VEPH1: variants seen among roughly 807,000 people sequenced by gnomAD.
VEPH1 encodes the protein ventricular zone-expressed PH domain-containing protein homolog 1.
In VEPH1, 80 loss-of-function variants were observed where a neutral mutation model predicts 85.2. That is an observed-to-expected ratio of 0.94 (90% CI 0.78 to 1.13). The LOEUF is 1.13. Among genes scored for constraint, VEPH1 ranks in the 50% most tolerant of loss-of-function variants. The probability of loss-of-function intolerance (pLI) is 0.00; values close to 1 mark genes in which losing one functional copy is unlikely to be tolerated. For missense variants in VEPH1, 955 were observed against 980.5 expected (o/e 0.97, Z 0.35); for synonymous variants, 297 against 348.0 (o/e 0.85, Z 1.63).
intron 13 of VEPH1, among the ~76,000 whole-genome samples, chr3:157,263,426 A>G (rs766791908): frequency 3.0e-4 from 46 of 152,272 alleles, no homozygotes; most frequent in Non-Finnish European, 5.0e-4. Context: ...GTTCAGAAAA[A>G]CATTCTCATA....
In VEPH1 at chr3:157,271,829, C is replaced by A. The variant is rs770629028; in HGVS notation, c.2129-6167G>T. 4.6e-5 allele frequency among the ~76,000 whole-genome samples: 7 copies of A among 151,802 alleles called. No individual in the cohort carries two copies. The South Asian group carries it at 8.4e-4, about 18-fold the overall frequency. ...TCAAATTCAACAAAGTTCAGATATA[C>A]GAGGGAACTTCAAAAGTTCATGAAA... On this transcript the variant is annotated intron_variant, in intron 12 of 13. Coordinates refer to ENST00000362010, the MANE Select transcript of VEPH1 (RefSeq NM_001167912.2).
chr3:157,404,468 G>A (rs1731009560), intron 6 of VEPH1, among the ~76,000 whole-genome samples: 1 of 152,062 alleles, frequency 6.6e-6, no homozygotes, highest in South Asian at 2.1e-4. Flanking sequence ...CTTGGATTGG[G>A]GTTTCCAGAA....
intron 6 of VEPH1, among the ~76,000 whole-genome samples, chr3:157,399,973 A>G (rs921449892): frequency 1.3e-5 from 2 of 152,156 alleles, no homozygotes; most frequent in Non-Finnish European, 2.9e-5. Flanking sequence ...ATTTTTCTGT[A>G]TATCAGCTTG....
chr3:157,401,975 T>C (rs369866477), intron 6 of VEPH1, among the ~76,000 whole-genome samples: 7 of 152,294 alleles, frequency 4.6e-5, no homozygotes, highest in African/African-American at 1.4e-4. Flanking sequence ...CTCCCCTTTA[T>C]GTAAATGGTG....
At chr3:157,268,998 G>A (rs968865059) in intron 12 of VEPH1, among the ~76,000 whole-genome samples, 19 of 152,288 alleles carry the variant, frequency 1.2e-4, no homozygotes, top group South Asian at 2.1e-4. Context: ...ATGATTTAAT[G>A]TAATGCTATT....
chr3:157,282,724 CTGACTAACTCTT>C (rs1716294495), intron 12 of VEPH1, among the ~76,000 whole-genome samples: 1 of 152,190 alleles, frequency 6.6e-6, no homozygotes, highest in Non-Finnish European at 1.5e-5. Context: ...GACAGACCAG[CTGACTAACTCTT>C]ACTGTCAACA....
chr3:157,288,112 C>T (rs1443232814), intron 11 of VEPH1, among the ~76,000 whole-genome samples: 2 of 152,172 alleles, frequency 1.3e-5, no homozygotes, highest in African/African-American at 4.8e-5. Flanking sequence ...TGAGGCTTTC[C>T]TCTTATGTAA....
chr3:157,420,372 C>CACACAT (rs566644029), intron 5 of VEPH1, among the ~76,000 whole-genome samples: 1 of 152,096 alleles, frequency 6.6e-6, no homozygotes, highest in African/African-American at 2.4e-5. Context: ...TATGTACACA[C>CACACAT]ACACATACAC....
chr3:157,393,111 C>T (rs1186278133), intron 6 of VEPH1, among the ~76,000 whole-genome samples: 1 of 152,126 alleles, frequency 6.6e-6, no homozygotes, highest in Non-Finnish European at 1.5e-5. Context: ...TATGCACTAC[C>T]TGGATCTGGG....
intron 10 of VEPH1, among the ~76,000 whole-genome samples, chr3:157,315,146 G>T (rs780256839): frequency 3.3e-5 from 5 of 151,966 alleles, no homozygotes; most frequent in Admixed American, 6.5e-5. Flanking sequence ...CTAAGCACTG[G>T]TGTATGAGAC....
intron 8 of VEPH1, 81 bp from the exon 9 acceptor site, chr3:157,363,842 A>G (rs2108774900): frequency 6.7e-7 from 1 of 1,488,656 alleles, no homozygotes. Flanking sequence ...TAATATTGGG[A>G]CAAAAAGTTA....
At chr3:157,469,282 AC>A (rs1467714039) in intron 3 of VEPH1, among the ~76,000 whole-genome samples, 2 of 152,234 alleles carry the variant, frequency 1.3e-5, no homozygotes, top group Non-Finnish European at 2.9e-5. Flanking sequence ...GACTGAGCAG[AC>A]AAGGTAAAAT....
intron 9 of VEPH1, among the ~76,000 whole-genome samples, chr3:157,354,069 GGACTCTA>G (rs1725166421): frequency 6.6e-6 from 1 of 152,092 alleles, no homozygotes; most frequent in Non-Finnish European, 1.5e-5. Flanking sequence ...TGTAAACTAT[GGACTCTA>G]GATGATAATG....
At chr3:157,399,585 A>C (rs1016961122) in intron 6 of VEPH1, among the ~76,000 whole-genome samples, 5 of 152,198 alleles carry the variant, frequency 3.3e-5, no homozygotes, top group Non-Finnish European at 5.9e-5. Flanking sequence ...AGGTCAAGCT[A>C]TCTAGTAATC....
At position 157,265,521 on chromosome 3, in the gene VEPH1, C is replaced by A; in HGVS notation, c.2265+5G>T. On this transcript the variant is annotated splice_donor_5th_base_variant and intron_variant, in intron 13 of 13. Transcript: ENST00000362010. ...GCAAGTGTAAAAGATGATGGAGGAA[C>A]TTACAGACTTTCCTTTTTGAAACAG... 6.2e-7 allele frequency: 1 copy of A among 1,611,598 alleles called. No homozygotes were observed. Among genetic ancestry groups the A allele is most frequent in the Middle Eastern group, 1.7e-4 (1 of 6,042 alleles).
chr3:157,433,983 T>C (rs1398574136), intron 4 of VEPH1, among the ~76,000 whole-genome samples: 1 of 152,210 alleles, frequency 6.6e-6, no homozygotes, highest in Non-Finnish European at 1.5e-5. Flanking sequence ...TGTTAAAATC[T>C]CCCTCCATGA....
intron 2 of VEPH1, chr3:157,488,940 CTCTCTT>C (rs1422619661): frequency 8.3e-6 from 2 of 241,698 alleles, no homozygotes; most frequent in African/African-American, 2.7e-5. Context: ...CTCTCTCTCT[CTCTCTT>C]TCTCTCTCCC....
intron 6 of VEPH1, among the ~76,000 whole-genome samples, chr3:157,412,070 C>T (rs965777479): frequency 1.3e-5 from 2 of 152,186 alleles, no homozygotes; most frequent in Non-Finnish European, 2.9e-5. Context: ...TCCTCCTGCT[C>T]TGGCCATGAG....
At chr3:157,422,258 T>C (rs1732401858) in intron 5 of VEPH1, among the ~76,000 whole-genome samples, 1 of 152,108 alleles carries the variant, frequency 6.6e-6, no homozygotes, top group Non-Finnish European at 1.5e-5. Context: ...GTGGGGGACA[T>C]GAAAGTTGAA....
Sources: allele counts gnomAD v4.1 joint callset (sites outside exome capture counted in the v4.1 genomes callset), GRCh38; gene constraint gnomAD v4.1.1; transcripts MANE v1.5; gene names NCBI Gene and HGNC (gene_info 2026-07-23, HGNC 2026-07-21).